The following CEP128 variants were observed in gnomAD, a reference collection of about 807,000 sequenced individuals.
CEP128 encodes the protein centrosomal protein 128kDa.
In CEP128, 132 loss-of-function variants were observed where a neutral mutation model predicts 156.7. The ratio of observed to expected loss-of-function variants is 0.84; its 90% CI spans 0.73 to 0.97. The LOEUF is 0.97. Ranked by LOEUF, CEP128 falls within the 50% of genes least tolerant of loss-of-function variation. CEP128 has a pLI of 0.00. For synonymous variants in CEP128, 469 were observed against 448.9 expected (o/e 1.04, Z -0.57); for missense variants, 1,252 against 1,281.9 (o/e 0.98, Z 0.36).
chr14:80,536,500 CA>C (rs1889491252), intron 21 of CEP128, among the ~76,000 whole-genome samples: 1 of 152,058 alleles, frequency 6.6e-6, no homozygotes, highest in South Asian at 2.1e-4. Context: ...TTCAAAAATG[CA>C]ATTCTATTTC....
intron 19 of CEP128, among the ~76,000 whole-genome samples, chr14:80,707,075 C>T (rs1257357334): frequency 1.3e-5 from 2 of 151,986 alleles, no homozygotes; most frequent in Admixed American, 1.3e-4. Context: ...TTTCCAGTAC[C>T]CGATTTATTT....
At chr14:80,822,941 T>C (rs1328184780) in intron 13 of CEP128, 1 of 462,814 alleles carries the variant, frequency 2.2e-6, no homozygotes, top group African/African-American at 2.0e-5. Context: ...TTGTTGTTTT[T>C]GGGGGAAGGG....
chr14:80,853,307 TAA>T (rs999482838), intron 9 of CEP128, among the ~76,000 whole-genome samples: 1 of 145,430 alleles, frequency 6.9e-6, no homozygotes, highest in African/African-American at 2.5e-5. Flanking sequence ...TGCAATAAGA[TAA>T]AAAAAAAAGA....
intron 19 of CEP128, among the ~76,000 whole-genome samples, chr14:80,731,613 A>G (rs1898275018): frequency 6.6e-6 from 1 of 152,192 alleles, no homozygotes; most frequent in Admixed American, 6.5e-5. Flanking sequence ...TAGTCTCAAT[A>G]GGGGAAAAAA....
At chr14:80,578,837 A>G (rs184560802) in intron 20 of CEP128, among the ~76,000 whole-genome samples, 2 of 152,306 alleles carry the variant, frequency 1.3e-5, no homozygotes, top group East Asian at 1.9e-4. Flanking sequence ...TATTCATAAT[A>G]GAGTGTTAAT....
intron 3 of CEP128, among the ~76,000 whole-genome samples, chr14:80,915,630 A>C (rs969183903): frequency 6.6e-6 from 1 of 152,210 alleles, no homozygotes; most frequent in Non-Finnish European, 1.5e-5. Flanking sequence ...ACTAGCAAAA[A>C]TTAGCCTCTA....
At chr14:80,734,837 A>AC (rs1238439250) in intron 19 of CEP128, among the ~76,000 whole-genome samples, 1 of 118,076 alleles carries the variant, frequency 8.5e-6, no homozygotes, top group Admixed American at 1.0e-4. Flanking sequence ...ACATATCAAG[A>AC]CCCCATCTCA....
intron 23 of CEP128, among the ~76,000 whole-genome samples, chr14:80,525,770 T>A (rs964542652): frequency 1.3e-5 from 2 of 152,208 alleles, no homozygotes; most frequent in Non-Finnish European, 2.9e-5. Context: ...AATTTTTATT[T>A]GGAAGGGAGG....
chr14:80,542,836 T>C (rs910300305), intron 21 of CEP128, among the ~76,000 whole-genome samples: 1 of 152,216 alleles, frequency 6.6e-6, no homozygotes, highest in Non-Finnish European at 1.5e-5. Flanking sequence ...TGATTAGGAA[T>C]GATCATTGTT....
chr14:80,801,908 CCCAAAAAAAAAAA>C (rs1481816219), intron 13 of CEP128, among the ~76,000 whole-genome samples: 839 of 18,714 alleles, frequency 0.045, 67 homozygotes, highest in African/African-American at 0.14. Flanking sequence ...ACTCTGTCTC[CCCAAAAAAAAAAA>C]AAAAAAAAAA....
At chr14:80,579,262 C>T (rs1891487283) in intron 20 of CEP128, among the ~76,000 whole-genome samples, 2 of 151,832 alleles carry the variant, frequency 1.3e-5, no homozygotes, top group South Asian at 4.1e-4. Context: ...ATATTAGTTT[C>T]ACAGAGATAG....
chr14:80,939,832 T>G (rs183638762), intron 1 of CEP128, among the ~76,000 whole-genome samples: 214 of 152,318 alleles, frequency 1.4e-3, no homozygotes, highest in Non-Finnish European at 2.6e-3. Flanking sequence ...CAAAAAGTAC[T>G]ATGTATGAGC....
chr14:80,523,510 G>A (rs1054075869), intron 23 of CEP128, among the ~76,000 whole-genome samples: 1 of 152,116 alleles, frequency 6.6e-6, no homozygotes, highest in African/African-American at 2.4e-5. Context: ...CCATTCTCCT[G>A]AGCTCCTAGC....
intron 19 of CEP128, among the ~76,000 whole-genome samples, chr14:80,661,224 A>T (rs1229667208): frequency 6.6e-6 from 1 of 152,154 alleles, no homozygotes; most frequent in Non-Finnish European, 1.5e-5. Context: ...AATCAACAGC[A>T]TCCATCTTTC....
At chr14:80,485,391 C>T (rs1159975064) in intron 14 of CEP128, among the ~76,000 whole-genome samples, 1 of 151,974 alleles carries the variant, frequency 6.6e-6, no homozygotes, top group Non-Finnish European at 1.5e-5. Context: ...TTCCAAAAGT[C>T]CAATTTCATT....
upstream of CEP128, among the ~76,000 whole-genome samples, chr14:80,944,822 C>CAAAAAAAAAAAAA (rs55662141): frequency 2.9e-5 from 1 of 34,658 alleles, no homozygotes; most frequent in Non-Finnish European, 5.8e-5. Context: ...GAGTCTGTCT[C>CAAAAAAAAAAAAA]AAAAAAAAAA....
Position 80,556,618 on chromosome 14 carries a change from T to C in CEP128, c.2880+2661A>G, listed in dbSNP as rs879084183. Among the ~76,000 whole-genome samples the C allele has an allele frequency of 3.3e-5, 5 of 152,260 alleles. No individual in the cohort carries two copies. The East Asian group carries it at 5.8e-4, about 18-fold the overall frequency. ...CAAGTTTCTTATTATGATGAAAAGGTGATCTTCTTTTCAGGTATTATAACT... is the reference window on the plus strand; with the variant it reads ...CAAGTTTCTTATTATGATGAAAAGGCGATCTTCTTTTCAGGTATTATAACT... On this transcript the variant is annotated intron_variant, in intron 21 of 24. Transcript: ENST00000555265.
intron 22 of CEP128, among the ~76,000 whole-genome samples, chr14:80,528,755 G>T (rs986855125): frequency 6.6e-6 from 1 of 152,178 alleles, no homozygotes; most frequent in African/African-American, 2.4e-5. Context: ...CTCATCAGAT[G>T]AATGCGGACA....
intron 19 of CEP128, among the ~76,000 whole-genome samples, chr14:80,611,199 T>C (rs1892980872): frequency 6.6e-6 from 1 of 152,036 alleles, no homozygotes. Flanking sequence ...GTTTTCACTT[T>C]TGTTTTAAAT....
Sources: gnomAD v4.1 joint callset for allele counts (sites outside exome capture counted in the v4.1 genomes callset) on GRCh38, gnomAD v4.1.1 for gene constraint, MANE v1.5 for transcripts, NCBI Gene and HGNC (gene_info 2026-07-23, HGNC 2026-07-21) for gene names.